The following CSMD1 variants were observed in gnomAD, a reference collection of about 807,000 sequenced individuals.
CSMD1 encodes CUB and sushi domain-containing protein 1.
CSMD1 carries 213 observed loss-of-function variants against 417.5 expected under a neutral mutation model. That is an observed-to-expected ratio of 0.51 (90% CI 0.46 to 0.57). The LOEUF (loss-of-function observed/expected upper bound fraction) is 0.57. Among genes scored for constraint, CSMD1 ranks in the 20% least tolerant of loss-of-function variants. CSMD1 has a pLI of 0.00. For missense variants in CSMD1, 6,923 were observed against 4,529.7 expected (o/e 1.53, Z -15.17); for synonymous variants, 2,862 against 1,736.8 (o/e 1.65, Z -16.11).
At chr8:4,145,837 G>T (rs1385113723) in intron 3 of CSMD1, among the ~76,000 whole-genome samples, 1 of 151,190 alleles carries the variant, frequency 6.6e-6, no homozygotes, top group East Asian at 1.9e-4. Context: ...CTTCCAGGAA[G>T]CAGAGCCGTT....
intron 10 of CSMD1, among the ~76,000 whole-genome samples, chr8:3,573,277 G>C (rs1463550288): frequency 6.6e-6 from 1 of 152,178 alleles, no homozygotes; most frequent in Non-Finnish European, 1.5e-5. Flanking sequence ...CTAAGTGGCA[G>C]AGCTGGTTCT....
intron 2 of CSMD1, among the ~76,000 whole-genome samples, chr8:4,518,428 G>A (rs921154210): frequency 6.6e-6 from 1 of 152,038 alleles, no homozygotes; most frequent in East Asian, 1.9e-4. Flanking sequence ...CTGTGTGAGG[G>A]AAACATATAA....
chr8:3,843,781 T>A (rs1009655670), intron 5 of CSMD1, among the ~76,000 whole-genome samples: 4 of 152,194 alleles, frequency 2.6e-5, no homozygotes, highest in Non-Finnish European at 5.9e-5. Flanking sequence ...ATCCACCATC[T>A]GCAAAATGTG....
intron 3 of CSMD1, among the ~76,000 whole-genome samples, chr8:4,179,508 G>A (rs10111867): frequency 0.92 from 136,391 of 148,932 alleles, 62,502 homozygotes; most frequent in South Asian, 0.95. Context: ...CATTCAGGAC[G>A]TAGGCATGGG....
intron 11 of CSMD1, among the ~76,000 whole-genome samples, chr8:3,478,680 T>C (rs1048548156): frequency 1.3e-5 from 2 of 152,102 alleles, no homozygotes; most frequent in Non-Finnish European, 2.9e-5. Context: ...CAGATGCAAC[T>C]GTGACCCGTC....
intron 3 of CSMD1, among the ~76,000 whole-genome samples, chr8:4,155,928 A>G (rs1293726496): frequency 1.3e-5 from 2 of 152,188 alleles, no homozygotes; most frequent in Non-Finnish European, 2.9e-5. Context: ...AGGAATGCAC[A>G]GCCCAGGTGT....
chr8:4,768,647 G>A (rs1318217849), intron 1 of CSMD1, among the ~76,000 whole-genome samples: 1 of 152,126 alleles, frequency 6.6e-6, no homozygotes, highest in East Asian at 1.9e-4. Context: ...TACCCGCAAA[G>A]TACAGTCAAT....
intron 25 of CSMD1, among the ~76,000 whole-genome samples, chr8:3,295,931 T>C (rs913255481): frequency 2.0e-5 from 3 of 152,226 alleles, no homozygotes; most frequent in Admixed American, 1.3e-4. Context: ...TCGAGGAACT[T>C]TGCATACATC....
chr8:4,834,426 A>G (rs1480555335), intron 1 of CSMD1, among the ~76,000 whole-genome samples: 1 of 152,208 alleles, frequency 6.6e-6, no homozygotes, highest in Non-Finnish European at 1.5e-5. Flanking sequence ...ATGAAAAAAA[A>G]GCAAAGAGGA....
intron 25 of CSMD1, among the ~76,000 whole-genome samples, chr8:3,300,414 A>G (rs1259967150): frequency 6.6e-6 from 1 of 152,094 alleles, no homozygotes; most frequent in Non-Finnish European, 1.5e-5. Flanking sequence ...ATAATTAACC[A>G]TAAACCATGC....
intron 12 of CSMD1, among the ~76,000 whole-genome samples, chr8:3,420,662 G>A (rs1410917155): frequency 6.6e-6 from 1 of 152,108 alleles, no homozygotes; most frequent in Non-Finnish European, 1.5e-5. Context: ...GTGTACTACT[G>A]TTCTGGTTAA....
chr8:3,429,597 C>T (rs1036020543), intron 12 of CSMD1, among the ~76,000 whole-genome samples: 3 of 152,098 alleles, frequency 2.0e-5, no homozygotes, highest in African/African-American at 7.2e-5. Flanking sequence ...CAACAATGTT[C>T]AATATCTTGA....
At chr8:4,910,518 A>G (rs1022175783) in intron 1 of CSMD1, among the ~76,000 whole-genome samples, 1 of 152,150 alleles carries the variant, frequency 6.6e-6, no homozygotes, top group Non-Finnish European at 1.5e-5. Flanking sequence ...GTGTTTTCCC[A>G]TGGTAAAAAC....
chr8:3,225,537 C>T (rs1251833948), intron 27 of CSMD1, among the ~76,000 whole-genome samples: 1 of 151,994 alleles, frequency 6.6e-6, no homozygotes, highest in Non-Finnish European at 1.5e-5. Flanking sequence ...GGAGCTGATG[C>T]AGAGAAAGAA....
intron 3 of CSMD1, among the ~76,000 whole-genome samples, chr8:4,119,596 A>AC (rs1554456886): frequency 6.6e-6 from 1 of 152,002 alleles, no homozygotes; most frequent in Non-Finnish European, 1.5e-5. Context: ...TCTTCTATCT[A>AC]GGGAGGAGAC....
chr8:3,697,091 G>T (rs1800595230), intron 7 of CSMD1, among the ~76,000 whole-genome samples: 1 of 152,108 alleles, frequency 6.6e-6, no homozygotes, highest in South Asian at 2.1e-4. Flanking sequence ...AATAACTGCA[G>T]GCCCAATATT....
chr8:3,770,194 T>C lies in CSMD1; in HGVS notation c.819-16152A>G, dbSNP rs77261550. On this transcript the variant is annotated intron_variant, in intron 5 of 69. Coordinates refer to ENST00000635120, the MANE Select transcript of CSMD1 (RefSeq NM_033225.6). ...TCATACAGGTCCCTCTCCCATGATT[T>C]TGAAACATTTCTACACATGGCTTCT... is the stretch of plus-strand genomic sequence containing the variant. 6.0e-3 allele frequency among the ~76,000 whole-genome samples: 911 copies of C among 152,266 alleles called. 42 individuals are homozygous for C. In the East Asian group the frequency reaches 0.11, roughly 19 times the overall value.
intron 1 of CSMD1, among the ~76,000 whole-genome samples, chr8:4,638,647 T>G (rs1802994588): frequency 1.3e-5 from 2 of 152,166 alleles, no homozygotes; most frequent in South Asian, 4.1e-4. Context: ...AAGTAAGCAG[T>G]AAGTGAATTA....
chr8:4,154,390 T>C (rs1482478063), intron 3 of CSMD1, among the ~76,000 whole-genome samples: 1 of 152,206 alleles, frequency 6.6e-6, no homozygotes, highest in Non-Finnish European at 1.5e-5. Flanking sequence ...CTCTAATCTA[T>C]TGTATAAGTA....
Sources: allele counts gnomAD v4.1 joint callset (sites outside exome capture counted in the v4.1 genomes callset), GRCh38; gene constraint gnomAD v4.1.1; transcripts MANE v1.5; gene names NCBI Gene and HGNC (gene_info 2026-07-23, HGNC 2026-07-21).